Variants in SMIM31 observed in about 807,000 individuals in gnomAD.
The protein encoded by SMIM31 is small integral membrane protein 31.
chr4:164,786,625 T>G (rs920013435), intron 2 of SMIM31, among the ~76,000 whole-genome samples: 9 of 152,308 alleles, frequency 5.9e-5, no homozygotes, highest in African/African-American at 2.2e-4. Flanking sequence ...TCCAGAAAAT[T>G]TATTCACACT....
At chr4:164,767,078 G>C (rs1732730043) in intron 1 of SMIM31, among the ~76,000 whole-genome samples, 1 of 152,138 alleles carries the variant, frequency 6.6e-6, no homozygotes, top group Non-Finnish European at 1.5e-5. Context: ...TGGGGTAGGT[G>C]ATGGGGGCCT....
chr4:164,763,079 A>G (rs569947783), intron 1 of SMIM31, among the ~76,000 whole-genome samples: 3 of 152,352 alleles, frequency 2.0e-5, no homozygotes, highest in South Asian at 2.1e-4. Flanking sequence ...TATTCACAAC[A>G]TTATATACAG....
intron 2 of SMIM31, among the ~76,000 whole-genome samples, chr4:164,777,502 G>A (rs1732892514): frequency 6.6e-6 from 1 of 152,204 alleles, no homozygotes; most frequent in African/African-American, 2.4e-5. Flanking sequence ...CGCGGCAGTA[G>A]CTGCTCTTTC....
At chr4:164,797,411 CAT>C (rs1491275122) in intron 2 of SMIM31, among the ~76,000 whole-genome samples, 2 of 150,192 alleles carry the variant, frequency 1.3e-5, no homozygotes, top group Non-Finnish European at 3.0e-5. Context: ...TACAAAAGGA[CAT>C]GTATATATAT....
intron 2 of SMIM31, among the ~76,000 whole-genome samples, chr4:164,796,735 G>A (rs1278740269): frequency 1.3e-5 from 2 of 152,134 alleles, no homozygotes; most frequent in Non-Finnish European, 2.9e-5. Context: ...CTTGTTGGCT[G>A]TAGCTTCAAA....
intron 2 of SMIM31, among the ~76,000 whole-genome samples, chr4:164,791,906 C>A (rs1560831799): frequency 6.6e-6 from 1 of 152,130 alleles, no homozygotes; most frequent in East Asian, 1.9e-4. Context: ...TATGCCTTTG[C>A]GTATCTACAG....
chr4:164,800,380 T>A (rs559413915), intron 2 of SMIM31, among the ~76,000 whole-genome samples: 8 of 152,166 alleles, frequency 5.3e-5, no homozygotes, highest in African/African-American at 1.9e-4. Flanking sequence ...ACTAATTTTT[T>A]AATTTTTAGT....
chr4:164,795,263 G>C (rs1733173966), intron 2 of SMIM31, among the ~76,000 whole-genome samples: 1 of 152,024 alleles, frequency 6.6e-6, no homozygotes. Context: ...GTTAATAAGA[G>C]CTACTTCGCA....
chr4:164,769,290 TTA>T (rs1732761487), intron 1 of SMIM31, among the ~76,000 whole-genome samples: 1 of 152,270 alleles, frequency 6.6e-6, no homozygotes, highest in Admixed American at 6.5e-5. Flanking sequence ...ACTAAGGACC[TTA>T]TATTCATCTT....
chr4:164,758,075 A>C (rs12506073), intron 1 of SMIM31, among the ~76,000 whole-genome samples: 91,353 of 151,878 alleles, frequency 0.6, 27,704 homozygotes, highest in Admixed American at 0.65. Flanking sequence ...TTTCTCTCAG[A>C]AGTGTTTTGT....
chr4:164,755,434 C>T (rs1732545180), intron 1 of SMIM31, among the ~76,000 whole-genome samples: 1 of 148,280 alleles, frequency 6.7e-6, no homozygotes, highest in Non-Finnish European at 1.5e-5. Flanking sequence ...GAACTGAGAC[C>T]ACGCCACTGC....
At chr4:164,790,766 C>T (rs4550872) in intron 2 of SMIM31, among the ~76,000 whole-genome samples, 27,675 of 152,010 alleles carry the variant, frequency 0.18, 2,736 homozygotes, top group African/African-American at 0.26. Context: ...AGTTTCACCT[C>T]TAGATTTTCT....
At chr4:164,785,936 T>A (rs542041181) in intron 2 of SMIM31, among the ~76,000 whole-genome samples, 4 of 152,214 alleles carry the variant, frequency 2.6e-5, no homozygotes, top group Non-Finnish European at 5.9e-5. Context: ...AAACTTCAAT[T>A]TGTAGCTAGT....
intron 2 of SMIM31, among the ~76,000 whole-genome samples, chr4:164,777,476 A>G (rs979696602): frequency 6.6e-6 from 1 of 152,212 alleles, no homozygotes; most frequent in Non-Finnish European, 1.5e-5. Context: ...ATATCTCTAG[A>G]GGTAGCACAT....
chr4:164,796,809 A>C (rs186025114), intron 2 of SMIM31, among the ~76,000 whole-genome samples: 2 of 152,230 alleles, frequency 1.3e-5, no homozygotes, highest in Admixed American at 1.3e-4. Context: ...CCAAGCCACC[A>C]TCATCTCTCA....
At position 164,802,721 on chromosome 4, in the gene SMIM31, T is replaced by A. The variant is rs1733303520; in HGVS notation, c.*1527T>A. The A allele has an allele frequency of 6.6e-6, 1 of 152,254 alleles. No homozygotes were observed. 9.4% of individuals were successfully genotyped at this position (152,254 alleles called of 1,614,324 possible). A position where few individuals can be genotyped will look rare whatever the true frequency, so the allele number is the denominator to read the frequency against. On this transcript the variant is annotated 3_prime_UTR_variant, in exon 3 of 3. Transcript: ENST00000507311. ...ACTCCCTTTATCTGTACTTACCCCT[T>A]ACTGCTCACTTTCAAGAAAGATTCA...
intron 2 of SMIM31, among the ~76,000 whole-genome samples, chr4:164,782,797 C>G (rs915150894): frequency 6.6e-6 from 1 of 151,956 alleles, no homozygotes; most frequent in South Asian, 2.1e-4. Context: ...AACTAAAGTT[C>G]TCTGTCTATG....
chr4:164,793,166 C>T (rs1323745898), intron 2 of SMIM31, among the ~76,000 whole-genome samples: 2 of 152,064 alleles, frequency 1.3e-5, no homozygotes, highest in Admixed American at 1.3e-4. Context: ...ATATTGGGTA[C>T]TCATGAATAT....
intron 2 of SMIM31, among the ~76,000 whole-genome samples, chr4:164,773,029 TAAAAAAAAAA>T (rs56863708): frequency 2.6e-5 from 2 of 76,670 alleles, no homozygotes; most frequent in African/African-American, 4.9e-5. Flanking sequence ...CACTTGGCTT[TAAAAAAAAAA>T]AAAAAAAAAA....
Sources: gnomAD v4.1 joint callset for allele counts (sites outside exome capture counted in the v4.1 genomes callset) on GRCh38, gnomAD v4.1.1 for gene constraint, MANE v1.5 for transcripts, NCBI Gene and HGNC (gene_info 2026-07-23, HGNC 2026-07-21) for gene names.